Variants in WDR25 observed in about 807,000 individuals in gnomAD.
WDR25 encodes the protein WD repeat domain 25, also known as WD repeat-containing protein 25.
WDR25 carries 35 observed loss-of-function variants against 47.7 expected under a neutral mutation model. The observed-to-expected ratio is 0.73, with a 90% CI of 0.56 to 0.97. WDR25 has a LOEUF of 0.97. Among genes scored for constraint, WDR25 ranks in the 50% least tolerant of loss-of-function variants. The pLI is 0.00. For missense variants in WDR25, 634 were observed against 704.7 expected (o/e 0.90, Z 1.14); for synonymous variants, 248 against 278.9 (o/e 0.89, Z 1.10).
chr14:100,479,498 T>A (rs2140312950), intron 3 of WDR25, among the ~76,000 whole-genome samples: 1 of 152,258 alleles, frequency 6.6e-6, no homozygotes, highest in South Asian at 2.1e-4. Flanking sequence ...GAGAGAGTCG[T>A]TTGTCTGCTG....
chr14:100,376,564 G>A, intron 1 of WDR25, 69 bp downstream of exon 1: 1 of 1,231,866 alleles, frequency 8.1e-7, no homozygotes, highest in Non-Finnish European at 1.0e-6. Context: ...AGCGCCCCGT[G>A]CCGCTTAACG....
intron 2 of WDR25, among the ~76,000 whole-genome samples, chr14:100,432,478 T>C (rs1195215009): frequency 1.3e-5 from 2 of 152,216 alleles, no homozygotes; most frequent in Non-Finnish European, 2.9e-5. Context: ...TTTCTTCCCC[T>C]TTTAAAAAAT....
chr14:100,403,222 C>T (rs572408186), intron 2 of WDR25, among the ~76,000 whole-genome samples: 3 of 152,160 alleles, frequency 2.0e-5, no homozygotes, highest in Non-Finnish European at 4.4e-5. Context: ...GTCGTGCTCC[C>T]ATGCTCTGGA....
intron 2 of WDR25, chr14:100,382,187 C>A (rs1402539432): frequency 2.8e-6 from 2 of 702,784 alleles, no homozygotes; most frequent in African/African-American, 3.5e-5. Flanking sequence ...AGGGCTTGCA[C>A]AGTGAGGCGG....
chr14:100,516,982 G>A (rs577801295), intron 4 of WDR25, among the ~76,000 whole-genome samples: 24 of 150,444 alleles, frequency 1.6e-4, no homozygotes, highest in African/African-American at 5.9e-4. Context: ...CCAGGCTGAA[G>A]TGCAGTTGTA....
intron 3 of WDR25, 67 bp from the exon 4 acceptor site, chr14:100,483,927 T>C (rs1004913395): frequency 6.5e-7 from 1 of 1,534,270 alleles, no homozygotes; most frequent in East Asian, 2.3e-5. Flanking sequence ...GATGGCATCT[T>C]AGTTTTAAGA....
chr14:100,474,577 A>C (rs1041965890), intron 3 of WDR25, among the ~76,000 whole-genome samples: 1 of 152,186 alleles, frequency 6.6e-6, no homozygotes, highest in Non-Finnish European at 1.5e-5. Flanking sequence ...CATGTCTGCT[A>C]TTGGAATGGC....
At chr14:100,438,185 T>A (rs1898558884) in intron 2 of WDR25, among the ~76,000 whole-genome samples, 1 of 152,254 alleles carries the variant, frequency 6.6e-6, no homozygotes. Context: ...GGAGAAGATT[T>A]GCAAAGACAG....
At chr14:100,460,299 A>G (rs1899365442) in intron 2 of WDR25, among the ~76,000 whole-genome samples, 1 of 151,924 alleles carries the variant, frequency 6.6e-6, no homozygotes, top group African/African-American at 2.4e-5. Context: ...TTTTTAGTAG[A>G]GACGGGGTTT....
intron 5 of WDR25, 54 bp downstream of exon 5, chr14:100,526,094 G>A: frequency 1.3e-6 from 2 of 1,591,444 alleles, no homozygotes; most frequent in East Asian, 2.3e-5. Context: ...GCGTATCCAT[G>A]TAGTTCTGGT....
At chr14:100,465,178 G>A (rs953934909) in intron 2 of WDR25, among the ~76,000 whole-genome samples, 8 of 151,562 alleles carry the variant, frequency 5.3e-5, no homozygotes. Flanking sequence ...GTGTGTGTGT[G>A]TGTATTTTTA....
chr14:100,523,029 G>C lies in WDR25; in HGVS notation c.1102-2841G>C, dbSNP rs1484734450. On this transcript the variant is annotated intron_variant, in intron 4 of 6. Coordinates refer to ENST00000402312, the MANE Select transcript of WDR25 (RefSeq NM_001161476.3). This position sits in a 1 kb window ranked among gnomAD's most constrained non-coding sequence, Gnocchi z 4.7. ...CCTGTGAGTGAATGTCATCTCACCC[G>C]GGGGTCCTGGGAGAGCCAGTGGCAA... Among the ~76,000 whole-genome samples the C allele has an allele frequency of 6.6e-6, 1 of 152,212 alleles. No individual in the cohort carries two copies. Among genetic ancestry groups the C allele is most frequent in the Non-Finnish European group, 1.5e-5 (1 of 68,036 alleles).
At chr14:100,417,341 C>T (rs1897897563) in intron 2 of WDR25, among the ~76,000 whole-genome samples, 1 of 152,248 alleles carries the variant, frequency 6.6e-6, no homozygotes, top group Admixed American at 6.5e-5. Context: ...GCAGACTTCT[C>T]AGTCTCCCAG....
chr14:100,400,461 G>A (rs1235844538), intron 2 of WDR25, among the ~76,000 whole-genome samples: 1 of 152,226 alleles, frequency 6.6e-6, no homozygotes, highest in Non-Finnish European at 1.5e-5. Context: ...GCCAGCACCA[G>A]CTAATAGCCC....
intron 2 of WDR25, among the ~76,000 whole-genome samples, chr14:100,461,692 C>T (rs943236842): frequency 6.6e-6 from 1 of 152,140 alleles, no homozygotes; most frequent in Non-Finnish European, 1.5e-5. Flanking sequence ...TTGTGCTGAA[C>T]TGTGTGAGTT....
chr14:100,480,026 G>A (rs955681404), intron 3 of WDR25, among the ~76,000 whole-genome samples: 2 of 152,158 alleles, frequency 1.3e-5, no homozygotes, highest in African/African-American at 4.8e-5. Context: ...CCTGTCCCTG[G>A]TGCCAAAAAG....
chr14:100,518,289 G>T (rs375366290), intron 4 of WDR25, among the ~76,000 whole-genome samples: 2 of 152,138 alleles, frequency 1.3e-5, no homozygotes, highest in East Asian at 3.9e-4. Context: ...ACCACTTTCA[G>T]TATGTTCCGC....
intron 2 of WDR25, among the ~76,000 whole-genome samples, chr14:100,405,574 A>G (rs1174170042): frequency 1.3e-5 from 2 of 152,206 alleles, no homozygotes; most frequent in African/African-American, 2.4e-5. Flanking sequence ...TGTCTTCACT[A>G]TAATCTCATT....
At chr14:100,405,143 C>T (rs1897494275) in intron 2 of WDR25, among the ~76,000 whole-genome samples, 1 of 150,370 alleles carries the variant, frequency 6.7e-6, no homozygotes, top group Admixed American at 6.7e-5. Context: ...AGCTCAGGGG[C>T]CTAGGAATCC....
Sources: gnomAD v4.1 joint callset for allele counts (sites outside exome capture counted in the v4.1 genomes callset) on GRCh38, gnomAD v4.1.1 for gene constraint, Gnocchi (gnomAD v3.1) non-coding constraint, MANE v1.5 for transcripts, NCBI Gene and HGNC (gene_info 2026-07-23, HGNC 2026-07-21) for gene names.